The following ZNF578 variants were observed in gnomAD, a reference collection of about 807,000 sequenced individuals.
The protein encoded by ZNF578 is zinc finger protein 578.
Under a neutral mutation model 8.3 loss-of-function variants are expected in ZNF578, and 8 were observed. The ratio of observed to expected loss-of-function variants is 0.96; its 90% CI spans 0.56 to 1.74. ZNF578 has a LOEUF of 1.74. Among genes scored for constraint, ZNF578 ranks in the 40% most tolerant of loss-of-function variants. The pLI is 0.00. For missense variants in ZNF578, 726 were observed against 707.5 expected (o/e 1.03, Z -0.30); for synonymous variants, 206 against 232.2 (o/e 0.89, Z 1.03).
intron 2 of ZNF578, among the ~76,000 whole-genome samples, chr19:52,471,158 T>G (rs1363213321): frequency 6.6e-6 from 1 of 152,210 alleles, no homozygotes; most frequent in Admixed American, 6.5e-5. Flanking sequence ...CGGCACACCC[T>G]GCAGAACTGT....
chr19:52,485,315 C>T (rs1360438458), intron 2 of ZNF578, among the ~76,000 whole-genome samples: 1 of 152,188 alleles, frequency 6.6e-6, no homozygotes, highest in East Asian at 1.9e-4. Flanking sequence ...GAGTGGAGCT[C>T]AACCCTGGCT....
intron 2 of ZNF578, among the ~76,000 whole-genome samples, chr19:52,472,352 A>C (rs1210297715): frequency 6.6e-6 from 1 of 152,258 alleles, no homozygotes; most frequent in Non-Finnish European, 1.5e-5. Flanking sequence ...AGAACTATGC[A>C]CATTCTAAAT....
chr19:52,470,177 T>C (rs1049981200), intron 2 of ZNF578, among the ~76,000 whole-genome samples: 1 of 152,140 alleles, frequency 6.6e-6, no homozygotes, highest in Non-Finnish European at 1.5e-5. Flanking sequence ...ACATTCACCA[T>C]GCATTGCCTG....
chr19:52,478,637 T>C lies in ZNF578; in HGVS notation c.-121-12687T>C, dbSNP rs897701647. Among the ~76,000 whole-genome samples, 8 of 152,202 alleles carry C rather than the reference T, an allele frequency of 5.3e-5. 1 individual carries two copies. Among genetic ancestry groups the C allele is most frequent in the Admixed American group, 2.0e-4 (3 of 15,284 alleles). On this transcript the variant is annotated intron_variant, in intron 2 of 5. Transcript: ENST00000421239. Reference sequence around the variant, plus strand: ...GAAGGAGATAATGGCAGAAGGACAGTATGAACAAAACTCCAAGTGGAGAAA... The same window carrying C: ...GAAGGAGATAATGGCAGAAGGACAGCATGAACAAAACTCCAAGTGGAGAAA...
intron 5 of ZNF578, among the ~76,000 whole-genome samples, chr19:52,505,907 T>G (rs1408427837): frequency 2.6e-5 from 4 of 151,778 alleles, no homozygotes; most frequent in South Asian, 2.1e-4. Context: ...CTATGTTGTT[T>G]TTTTTTTTGA....
chr19:52,468,762 T>C (rs1306153730), intron 2 of ZNF578, among the ~76,000 whole-genome samples: 2 of 152,156 alleles, frequency 1.3e-5, no homozygotes, highest in African/African-American at 4.8e-5. Flanking sequence ...TGGAAGAAGG[T>C]GGGATAACCT....
At chr19:52,466,999 C>T (rs1468521083) in intron 2 of ZNF578, among the ~76,000 whole-genome samples, 5 of 151,754 alleles carry the variant, frequency 3.3e-5, no homozygotes, top group African/African-American at 9.7e-5. Context: ...TCCCAGGCAA[C>T]CCTCTCTTGA....
chr19:52,511,279 T>G lies in ZNF578; in HGVS notation c.898T>G (p.Ser300Ala). Residue 300 changes from serine to alanine, a missense_variant, in exon 6 of 6, where the codon TCA (serine) becomes GCA (alanine). Transcript: ENST00000421239. ...NECGKSFSYKSSLTCHRRCHT... is the reference protein window; with the variant it reads ...NECGKSFSYKASLTCHRRCHT... The stretch of plus-strand genomic sequence containing the variant: ...ATGTGGAAAGTCCTTCAGTTACAAG[T>G]CATCCCTGACATGCCATCGTAGATG... 6.2e-7 allele frequency: 1 copy of G among 1,614,056 alleles called. No homozygotes were observed. Among genetic ancestry groups the G allele is most frequent in the Non-Finnish European group, 8.5e-7 (1 of 1,179,998 alleles).
chr19:52,475,990 T>G (rs2059307174), intron 2 of ZNF578, among the ~76,000 whole-genome samples: 1 of 152,186 alleles, frequency 6.6e-6, no homozygotes, highest in African/African-American at 2.4e-5. Flanking sequence ...AGTGTAGGAC[T>G]GTTAAGTATG....
At chr19:52,494,762 G>T (rs1301627036) in intron 3 of ZNF578, among the ~76,000 whole-genome samples, 1 of 152,088 alleles carries the variant, frequency 6.6e-6, no homozygotes. Flanking sequence ...CCTTTTCCCA[G>T]GGTGGGGTAG....
chr19:52,483,523 T>C (rs1033334395), intron 2 of ZNF578, among the ~76,000 whole-genome samples: 2 of 152,228 alleles, frequency 1.3e-5, no homozygotes, highest in Admixed American at 6.5e-5. Flanking sequence ...GAACATCCTA[T>C]TGGACAATAA....
chr19:52,510,848 T>G lies in ZNF578; in HGVS notation c.467T>G (p.Leu156Arg). The G allele has an allele frequency of 6.2e-7, 1 of 1,614,192 alleles. No individual in the cohort carries two copies. Among genetic ancestry groups the G allele is most frequent in the South Asian group, 1.1e-5 (1 of 91,082 alleles). Residue 156 changes from leucine to arginine, a missense_variant, in exon 6 of 6, where the codon CTT (leucine) becomes CGT (arginine). Leu to Arg is a moderately radical substitution (Grantham distance 102, BLOSUM62 -2). Coordinates refer to ENST00000421239, the MANE Select transcript of ZNF578 (RefSeq NM_001099694.2). ...GGAAACAAGCCTATTAAAGATCAGC[T>G]TGGATTAAGCTTTCATTTGCATCTT... ...HAGNKPIKDQ[L>R]GLSFHLHLPE...
chr19:52,483,307 C>T (rs1229710073), intron 2 of ZNF578, among the ~76,000 whole-genome samples: 1 of 151,612 alleles, frequency 6.6e-6, no homozygotes, highest in African/African-American at 2.4e-5. Flanking sequence ...CCCAGCAACT[C>T]AGGAGGCTGA....
At chr19:52,494,740 G>A (rs191617745) in intron 3 of ZNF578, among the ~76,000 whole-genome samples, 2 of 152,254 alleles carry the variant, frequency 1.3e-5, no homozygotes, top group African/African-American at 4.8e-5. Context: ...TCAGTTGTGA[G>A]TCACTCTCTT....
At chr19:52,472,827 A>C (rs1374428766) in intron 2 of ZNF578, among the ~76,000 whole-genome samples, 1 of 152,210 alleles carries the variant, frequency 6.6e-6, no homozygotes, top group Non-Finnish European at 1.5e-5. Context: ...AGCCTTTTCA[A>C]AAAACCTCCC....
intron 2 of ZNF578, among the ~76,000 whole-genome samples, chr19:52,487,839 G>A (rs570835902): frequency 6.6e-6 from 1 of 152,028 alleles, no homozygotes; most frequent in Admixed American, 6.6e-5. Context: ...GTTTCACTAT[G>A]TTTCCCAGGC....
chr19:52,486,260 C>G (rs2059345202), intron 2 of ZNF578, among the ~76,000 whole-genome samples: 1 of 152,060 alleles, frequency 6.6e-6, no homozygotes, highest in Non-Finnish European at 1.5e-5. Flanking sequence ...CCTGCTGACC[C>G]TTCCCCACTA....
At chr19:52,466,460 C>G (rs1417966718) in intron 2 of ZNF578, among the ~76,000 whole-genome samples, 1 of 152,124 alleles carries the variant, frequency 6.6e-6, no homozygotes, top group Non-Finnish European at 1.5e-5. Context: ...TTTTTATGGC[C>G]AGTTTATACA....
chr19:52,495,756 G>T (rs28408961), intron 3 of ZNF578, among the ~76,000 whole-genome samples: 24,536 of 142,578 alleles, frequency 0.17, 2,231 homozygotes, highest in Non-Finnish European at 0.2. Flanking sequence ...TAAGTGTGGT[G>T]CATTTTATAA....
Sources: gnomAD v4.1 joint callset for allele counts (sites outside exome capture counted in the v4.1 genomes callset) on GRCh38, gnomAD v4.1.1 for gene constraint, MANE v1.5 for transcripts, NCBI Gene and HGNC (gene_info 2026-07-23, HGNC 2026-07-21) for gene names.